ZNF346: variants seen among roughly 807,000 people sequenced by gnomAD.
ZNF346 encodes zinc finger protein 346.
ZNF346 carries 23 observed loss-of-function variants against 33.7 expected under a neutral mutation model. That is an observed-to-expected ratio of 0.68 (90% CI 0.49 to 0.97). ZNF346 has a LOEUF of 0.97. Ranked by LOEUF, ZNF346 falls within the 50% of genes least tolerant of loss-of-function variation. The pLI is 0.00. For missense variants in ZNF346, 340 were observed against 371.1 expected (o/e 0.92, Z 0.69); for synonymous variants, 134 against 142.4 (o/e 0.94, Z 0.42).
chr5:177,064,617 A>G lies in ZNF346; in HGVS notation c.*18A>G, dbSNP rs537956710. ...AAGACTAGAGGTGATTCTGCCCAGC[A>G]TCCCATATTGGGCCAGCCATGAGCC... On this transcript the variant is annotated 3_prime_UTR_variant, in exon 7 of 7. Coordinates refer to ENST00000358149, the MANE Select transcript of ZNF346 (RefSeq NM_012279.4). 9 of 1,605,854 alleles carry G rather than the reference A, an allele frequency of 5.6e-6. No homozygotes were observed. In the Admixed American group the frequency reaches 1.0e-4, roughly 18 times the overall value.
At chr5:177,054,696 GC>G (rs1318565054) in intron 5 of ZNF346, among the ~76,000 whole-genome samples, 1 of 152,128 alleles carries the variant, frequency 6.6e-6, no homozygotes, top group African/African-American at 2.4e-5. Context: ...CCCGTGCCTG[GC>G]CGGCATTTTT....
intron 4 of ZNF346, among the ~76,000 whole-genome samples, chr5:177,046,118 G>A (rs956898883): frequency 4.0e-5 from 6 of 151,830 alleles, no homozygotes; most frequent in African/African-American, 1.2e-4. Flanking sequence ...TGGTCAACAC[G>A]GTGAAACCCA....
At chr5:177,033,890 A>C (rs2149601451) in intron 1 of ZNF346, among the ~76,000 whole-genome samples, 1 of 152,248 alleles carries the variant, frequency 6.6e-6, no homozygotes, top group African/African-American at 2.4e-5. Context: ...AGGAATAGCA[A>C]GTCATTTTTG....
intron 4 of ZNF346, among the ~76,000 whole-genome samples, chr5:177,046,584 A>C (rs1780075964): frequency 6.6e-6 from 1 of 152,226 alleles, no homozygotes; most frequent in South Asian, 2.1e-4. Flanking sequence ...ACACTTTTTA[A>C]TGTAAAGTAA....
intron 1 of ZNF346, among the ~76,000 whole-genome samples, chr5:177,040,058 G>A (rs1480627971): frequency 2.0e-5 from 3 of 151,912 alleles, no homozygotes; most frequent in Non-Finnish European, 4.4e-5. Context: ...GTGGGTGCCT[G>A]TAATCCCAAC....
intron 1 of ZNF346, among the ~76,000 whole-genome samples, chr5:177,028,344 T>G (rs1403086477): frequency 6.6e-6 from 1 of 151,180 alleles, no homozygotes; most frequent in Non-Finnish European, 1.5e-5. Context: ...GATTATTTTC[T>G]TGGTTAGTCT....
intron 1 of ZNF346, among the ~76,000 whole-genome samples, chr5:177,027,586 CAAAAAAAA>C (rs1282201135): frequency 3.1e-5 from 2 of 64,646 alleles, no homozygotes; most frequent in Non-Finnish European, 7.4e-5. Flanking sequence ...GACTTTGTCT[CAAAAAAAA>C]AAAAAAAAAA....
chr5:177,032,051 A>G (rs1389762498), intron 1 of ZNF346, among the ~76,000 whole-genome samples: 1 of 117,084 alleles, frequency 8.5e-6, no homozygotes, highest in African/African-American at 3.2e-5. Context: ...CTTGTTGCCC[A>G]GGAGTGCAAT....
intron 5 of ZNF346, among the ~76,000 whole-genome samples, chr5:177,053,188 C>T (rs975192662): frequency 2.3e-4 from 35 of 152,012 alleles, no homozygotes; most frequent in African/African-American, 7.7e-4. Flanking sequence ...TGGTGACACA[C>T]GCCTATAGTC....
intron 1 of ZNF346, among the ~76,000 whole-genome samples, chr5:177,024,433 A>C (rs1346061915): frequency 6.6e-6 from 1 of 151,990 alleles, no homozygotes; most frequent in Non-Finnish European, 1.5e-5. Flanking sequence ...CCTGACCTCA[A>C]GTGATCTGCC....
chr5:177,074,517 A>G (rs1783652309), intron 8 of ZNF346, among the ~76,000 whole-genome samples: 1 of 152,222 alleles, frequency 6.6e-6, no homozygotes, highest in Non-Finnish European at 1.5e-5. Flanking sequence ...ACTTACAGTC[A>G]TGCTCCTGTA....
At chr5:177,027,456 C>T (rs1776955614) in intron 1 of ZNF346, among the ~76,000 whole-genome samples, 2 of 151,422 alleles carry the variant, frequency 1.3e-5, no homozygotes, top group Admixed American at 1.3e-4. Context: ...TGTGGTGGCT[C>T]ACATCTGTAA....
At chr5:177,048,838 T>A (rs1780472980) in intron 4 of ZNF346, among the ~76,000 whole-genome samples, 1 of 149,622 alleles carries the variant, frequency 6.7e-6, no homozygotes, top group African/African-American at 2.5e-5. Context: ...CAGAGTGGAG[T>A]GCAATGGCGC....
chr5:177,046,231 C>T (rs1194340411), intron 4 of ZNF346, among the ~76,000 whole-genome samples: 1 of 148,804 alleles, frequency 6.7e-6, no homozygotes, highest in East Asian at 2.0e-4. Context: ...AACCCGGGAG[C>T]TGGAGGTTGC....
chr5:177,076,064 C>T (rs1238772840), intron 8 of ZNF346, among the ~76,000 whole-genome samples: 2 of 152,204 alleles, frequency 1.3e-5, no homozygotes, highest in Non-Finnish European at 2.9e-5. Context: ...ATCCTCCTCG[C>T]TCAGCCTCCT....
chr5:177,052,459 A>G (rs1781084387), intron 5 of ZNF346: 1 of 150,678 alleles, frequency 6.6e-6, no homozygotes, highest in South Asian at 2.1e-4. Flanking sequence ...GTGGGATTAG[A>G]GGCATTAGCC....
chr5:177,024,524 T>C (rs1295585744), intron 1 of ZNF346, among the ~76,000 whole-genome samples: 1 of 152,112 alleles, frequency 6.6e-6, no homozygotes, highest in African/African-American at 2.4e-5. Context: ...TGTTTGGTAG[T>C]TTCCTCCCCT....
At chr5:177,034,778 G>A (rs886135911) in intron 1 of ZNF346, among the ~76,000 whole-genome samples, 1 of 152,124 alleles carries the variant, frequency 6.6e-6, no homozygotes, top group Non-Finnish European at 1.5e-5. Context: ...GGCTATTGTT[G>A]CTGTCAAAAA....
chr5:177,064,028 AC>A (rs771306922), intron 6 of ZNF346, among the ~76,000 whole-genome samples: 6 of 152,178 alleles, frequency 3.9e-5, no homozygotes, highest in Admixed American at 6.5e-5. Flanking sequence ...ATCTTTTACA[AC>A]CAAAGAAAGC....
Sources: allele counts gnomAD v4.1 joint callset (sites outside exome capture counted in the v4.1 genomes callset), GRCh38; gene constraint gnomAD v4.1.1; transcripts MANE v1.5; gene names NCBI Gene and HGNC (gene_info 2026-07-23, HGNC 2026-07-21).